ZNF653: variants seen among roughly 807,000 people sequenced by gnomAD.
ZNF653 encodes 67 kDa zinc finger protein.
A neutral mutation model predicts 59.9 loss-of-function variants in ZNF653; 37 were observed. The observed-to-expected ratio is 0.62, with a 90% CI of 0.48 to 0.81. The LOEUF is 0.81. Ranked by LOEUF, ZNF653 falls within the 40% of genes least tolerant of loss-of-function variation. The probability of loss-of-function intolerance (pLI) is 0.00; values close to 1 mark genes in which losing one functional copy is unlikely to be tolerated. For synonymous variants in ZNF653, 435 were observed against 371.8 expected (o/e 1.17, Z -1.96); for missense variants, 808 against 881.1 (o/e 0.92, Z 1.05).
rs1463248603 is a variant in ZNF653 at position 11,485,178 on chromosome 19, C to T, written c.1570+478G>A. 2.6e-5 allele frequency among the ~76,000 whole-genome samples: 4 copies of T among 152,042 alleles called. No individual in the cohort carries two copies. The East Asian group carries it at 7.8e-4, about 30-fold the overall frequency. On this transcript the variant is annotated intron_variant, in intron 7 of 8. Transcript: ENST00000293771. ...TGGACACAGGCACCATGGCTCTCCA[C>T]TATGTCCCCAGCCCATGCAGAAGAC...
chr19:11,501,781 A>G (rs1034189107), intron 1 of ZNF653, among the ~76,000 whole-genome samples: 2 of 152,036 alleles, frequency 1.3e-5, no homozygotes, highest in Admixed American at 6.6e-5. Context: ...TCTGTCTAAA[A>G]GTATCCCTTT....
chr19:11,483,850 G>C lies in ZNF653; in HGVS notation c.1680C>G (p.Ile560Met), dbSNP rs368545810. The C allele has an allele frequency of 1.1e-5, 17 of 1,557,292 alleles. No homozygotes were observed. The highest frequency in any genetic ancestry group is 1.5e-5 in the Non-Finnish European group (17 of 1,149,380). ...HTGETPLQCE[I>M]CGYQCRQRAS... is the part of the protein sequence containing the mutation. ...CGCGCTGCCGGCACTGGTAGCCACA[G>C]ATCTCGCACCTGCCGGGAGCCCGTG... Residue 560 changes from isoleucine (I) to methionine (M), a missense_variant, in exon 9 of 9, where the codon ATC (isoleucine) becomes ATG (methionine). Physicochemically the swap from Ile to Met is conservative, Grantham distance 10. Transcript: ENST00000293771.
At position 11,487,641 on chromosome 19, in the gene ZNF653, C is replaced by T. The variant is rs1237800932; in HGVS notation, c.822G>A (p.Glu274=). Residue 274 remains glutamate, a synonymous_variant, in exon 4 of 9, where the codon GAG becomes GAA. Transcript: ENST00000293771. The surrounding 1 kb of genome is among the most constrained non-coding windows in gnomAD (Gnocchi z 5.1). The part of the protein sequence containing the change: ...NPAGNGPEAL[E]TVVCVPVPVQ... ...CAGGCACCGGCACGCACACCACTGTCTCCAGGGCTTCAGGCCCATTGCCTG... is the reference window on the plus strand; with the variant it reads ...CAGGCACCGGCACGCACACCACTGTTTCCAGGGCTTCAGGCCCATTGCCTG... 6.2e-7 allele frequency: 1 copy of T among 1,613,782 alleles called. No homozygotes were observed. Among genetic ancestry groups the T allele is most frequent in the East Asian group, 2.2e-5 (1 of 44,890 alleles).
At chr19:11,504,684 G>T (rs758397764) in intron 1 of ZNF653, 1 of 497,324 alleles carries the variant, frequency 2.0e-6, no homozygotes, top group Non-Finnish European at 2.6e-6. Flanking sequence ...TTTCCTTGCG[G>T]CACTGCTTGT....
In ZNF653 at chr19:11,505,579, C is replaced by T. The variant is rs1971710346; in HGVS notation, c.208G>A (p.Val70Met). 2.0e-6 allele frequency: 3 copies of T among 1,515,532 alleles called. No homozygotes were observed. Among genetic ancestry groups the T allele is most frequent in the Non-Finnish European group, 2.6e-6 (3 of 1,140,732 alleles). 93.9% of individuals were successfully genotyped at this position (1,515,532 alleles called of 1,614,324 possible). The change falls in exon 1 of 9, where the codon GTG becomes ATG. Residue 70 changes from valine (V) to methionine (M), a missense_variant. Physicochemically the swap from Val to Met is conservative, Grantham distance 21. Transcript: ENST00000293771. Reference sequence around the variant, plus strand: ...CAGCCGCTGCGGCGCCGCAGGTCCACCCAGGGCCCGTGCGCCTCGCCCAGG... The same window carrying T: ...CAGCCGCTGCGGCGCCGCAGGTCCATCCAGGGCCCGTGCGCCTCGCCCAGG... ...VYLGEAHGPW[V>M]DLRRRSGWSD...
At chr19:11,504,452 G>A in intron 1 of ZNF653, 1 of 873,630 alleles carries the variant, frequency 1.1e-6, no homozygotes. Flanking sequence ...CCAGACCTTT[G>A]AACAAGCCAT....
Position 11,483,586 on chromosome 19 carries a change from C to T in ZNF653, c.*96G>A, listed in dbSNP as rs1971430102. The stretch of plus-strand genomic sequence containing the variant: ...GGCGGGGGCGCCTCCTTCCGGCCCG[C>T]GGTCCGGGCGGCCCTCGCAGCTGTC... On this transcript the variant is annotated 3_prime_UTR_variant, in exon 9 of 9. Coordinates refer to ENST00000293771, the MANE Select transcript of ZNF653 (RefSeq NM_138783.4). 1 of 1,456,076 alleles carries T rather than the reference C, an allele frequency of 6.9e-7. No individual in the cohort carries two copies. 90.2% of individuals were successfully genotyped at this position (1,456,076 alleles called of 1,614,324 possible). A position where few individuals can be genotyped will look rare whatever the true frequency, so the allele number is the denominator to read the frequency against.
At chr19:11,492,991 C>T (rs1971545048) in intron 3 of ZNF653, among the ~76,000 whole-genome samples, 1 of 152,188 alleles carries the variant, frequency 6.6e-6, no homozygotes, top group African/African-American at 2.4e-5. Context: ...AAGTGATCCA[C>T]CTGCCTTGGC....
At chr19:11,504,516 A>G (rs557005671) in intron 1 of ZNF653, 63 of 985,444 alleles carry the variant, frequency 6.4e-5, no homozygotes, top group Non-Finnish European at 7.2e-5. Context: ...TTGCGCTCCC[A>G]GCATTTCCAG....
At chr19:11,494,204 C>G (rs1469743537) in intron 3 of ZNF653, among the ~76,000 whole-genome samples, 1 of 151,976 alleles carries the variant, frequency 6.6e-6, no homozygotes, top group Non-Finnish European at 1.5e-5. Context: ...CGCCTGTAAT[C>G]CCAGCTACTA....
chr19:11,494,366 ACATAACATAACATAAAACAT>A (rs1437282634), intron 3 of ZNF653, among the ~76,000 whole-genome samples: 5 of 148,358 alleles, frequency 3.4e-5, no homozygotes, highest in African/African-American at 1.3e-4. Flanking sequence ...ACATAACATA[ACATAACATAACATAAAACAT>A]AACATAACAT....
Position 11,495,890 on chromosome 19 carries a change from G to T in ZNF653, c.559+60C>A. On this transcript the variant is annotated intron_variant, in intron 3 of 8. Transcript: ENST00000293771. This position sits in a 1 kb window ranked among gnomAD's most constrained non-coding sequence, Gnocchi z 4.9. ...ATTCTGTTTGTGATGCTAGCCTAGG[G>T]CTCGTAAGAAGCCCCCAGAAATGGG... The T allele has an allele frequency of 6.6e-7, 1 of 1,522,374 alleles. No individual in the cohort carries two copies. Among genetic ancestry groups the T allele is most frequent in the Non-Finnish European group, 8.9e-7 (1 of 1,117,866 alleles). The allele number at this position is 1,522,374 out of a possible 1,614,324, so 94.3% of individuals were successfully genotyped here. A position where few individuals can be genotyped will look rare whatever the true frequency, so the allele number is the denominator to read the frequency against.
rs1319203238 is a variant in ZNF653 at position 11,487,924 on chromosome 19, G to A, written c.560-21C>T. On this transcript the variant is annotated intron_variant, in intron 3 of 8. Coordinates refer to ENST00000293771, the MANE Select transcript of ZNF653 (RefSeq NM_138783.4). The surrounding 1 kb of genome is among the most constrained non-coding windows in gnomAD (Gnocchi z 5.1). Reference sequence around the variant, plus strand: ...GCCCACTGTGGGGACAGAAGAAAGGGAGTGGTTATGATAGCTGCAGCCACT... The same window carrying A: ...GCCCACTGTGGGGACAGAAGAAAGGAAGTGGTTATGATAGCTGCAGCCACT... 1 of 1,546,288 alleles carries A rather than the reference G, an allele frequency of 6.5e-7. No individual in the cohort carries two copies. Among genetic ancestry groups the A allele is most frequent in the Non-Finnish European group, 8.7e-7 (1 of 1,147,920 alleles).
chr19:11,498,480 G>C (rs1971611029), intron 1 of ZNF653, 141 bp from the exon 2 acceptor site: 9 of 1,189,354 alleles, frequency 7.6e-6, no homozygotes, highest in Non-Finnish European at 8.6e-6. Flanking sequence ...GTCTCACTGT[G>C]TTGCCCAGGC....
intron 7 of ZNF653, among the ~76,000 whole-genome samples, 179 bp downstream of exon 7, chr19:11,485,477 T>C (rs1264105474): frequency 6.6e-6 from 1 of 152,104 alleles, no homozygotes; most frequent in Non-Finnish European, 1.5e-5. Flanking sequence ...TTGGTAATAG[T>C]TCCTGTCGCT....
intron 6 of ZNF653, among the ~76,000 whole-genome samples, chr19:11,486,280 C>T (rs1971464841): frequency 6.6e-6 from 1 of 152,154 alleles, no homozygotes; most frequent in Non-Finnish European, 1.5e-5. Flanking sequence ...TATTGAACAC[C>T]TACTATATGC....
At position 11,495,983 on chromosome 19, in the gene ZNF653, G is replaced by A. The variant is rs753863935; in HGVS notation, c.526C>T (p.Pro176Ser). 3 of 1,614,186 alleles carry A rather than the reference G, an allele frequency of 1.9e-6. No homozygotes were observed. The East Asian group carries it at 6.7e-5, about 36-fold the overall frequency. The change falls in exon 3 of 9, where the codon CCC (proline) becomes TCC (serine). Residue 176 changes from proline (P) to serine (S), a missense_variant. Coordinates refer to ENST00000293771, the MANE Select transcript of ZNF653 (RefSeq NM_138783.4). This position sits in a 1 kb window ranked among gnomAD's most constrained non-coding sequence, Gnocchi z 4.9. ...YFQDLHSPLK[P>S]LSDSDPDSDK... ...CTGTCAGGGTCTGAGTCGCTGAGGGGCTTCAGGGGCGAATGCAGGTCCTGG... is the reference window on the plus strand; with the variant it reads ...CTGTCAGGGTCTGAGTCGCTGAGGGACTTCAGGGGCGAATGCAGGTCCTGG...
At chr19:11,501,081 C>T (rs1336699217) in intron 1 of ZNF653, among the ~76,000 whole-genome samples, 7 of 152,120 alleles carry the variant, frequency 4.6e-5, no homozygotes. Context: ...AGTCTTCAGT[C>T]ATTCCCACCA....
intron 2 of ZNF653, among the ~76,000 whole-genome samples, chr19:11,497,535 A>G (rs1971601317): frequency 1.3e-5 from 2 of 152,166 alleles, no homozygotes; most frequent in Admixed American, 6.5e-5. Flanking sequence ...GGGAGTGAAG[A>G]CATCGCCAGG....
Sources: allele counts gnomAD v4.1 joint callset (sites outside exome capture counted in the v4.1 genomes callset), GRCh38; gene constraint gnomAD v4.1.1; non-coding constraint Gnocchi (gnomAD v3.1); transcripts MANE v1.5; gene names NCBI Gene and HGNC (gene_info 2026-07-23, HGNC 2026-07-21).